Variants in SYNE1 observed in about 807,000 individuals in gnomAD.
The protein encoded by SYNE1 is nesprin-1.
SYNE1 carries 616 observed loss-of-function variants against 1,111.0 expected under a neutral mutation model. The ratio of observed to expected loss-of-function variants is 0.55; its 90% CI spans 0.52 to 0.59. The LOEUF (loss-of-function observed/expected upper bound fraction) is 0.59, where lower values mean the gene tolerates loss of function less well. Among genes scored for constraint, SYNE1 ranks in the 20% least tolerant of loss-of-function variants. SYNE1 has a pLI of 0.00. For synonymous variants in SYNE1, 3,855 were observed against 3,825.8 expected, an observed-to-expected ratio of 1.01 and a Z score of -0.28; for missense variants, 10,006 against 10,417.0, an observed-to-expected ratio of 0.96 and a Z score of 1.72.
chr6:152,534,202 GAATAAATA>G (rs140881032), intron 4 of SYNE1, among the ~76,000 whole-genome samples: 5 of 145,332 alleles, frequency 3.4e-5, no homozygotes, highest in South Asian at 2.1e-4. Flanking sequence ...ATGAATGAAT[GAATAAATA>G]AATAAATAAA....
chr6:152,579,973 A>C (rs1157905549), intron 3 of SYNE1, among the ~76,000 whole-genome samples: 2 of 152,210 alleles, frequency 1.3e-5, no homozygotes, highest in Non-Finnish European at 2.9e-5. Flanking sequence ...TGCAATGAAC[A>C]TCTGCATGAA....
At chr6:152,181,389 G>C (rs2763012) in intron 128 of SYNE1, among the ~76,000 whole-genome samples, 12,822 of 152,108 alleles carry the variant, frequency 0.084, 1,228 homozygotes, top group African/African-American at 0.24. Flanking sequence ...TCCAGCCTGG[G>C]TGACAGAGCA....
At position 152,576,547 on chromosome 6, in the gene SYNE1, T is replaced by C. The variant is rs535473717; in HGVS notation, c.68-36526A>G. ...TGTCAGAGGTAAGTAACTAAATAAT[T>C]AACTACTAGGGGATGCAGGCTACCC... On this transcript the variant is annotated intron_variant, in intron 3 of 145. Coordinates refer to ENST00000367255, the MANE Select transcript of SYNE1 (RefSeq NM_182961.4). Among the ~76,000 whole-genome samples the C allele has an allele frequency of 2.6e-5, 4 of 152,254 alleles. No homozygotes were observed. The East Asian group carries it at 7.7e-4, about 29-fold the overall frequency.
At chr6:152,514,815 C>A (rs890151378) in intron 6 of SYNE1, among the ~76,000 whole-genome samples, 1 of 152,164 alleles carries the variant, frequency 6.6e-6, no homozygotes, top group Non-Finnish European at 1.5e-5. Flanking sequence ...TAATCCTGGA[C>A]TTCTTGCCTC....
intron 140 of SYNE1, among the ~76,000 whole-genome samples, chr6:152,137,657 T>A (rs2057378817): frequency 6.6e-6 from 1 of 152,140 alleles, no homozygotes; most frequent in Non-Finnish European, 1.5e-5. Flanking sequence ...CCAGTTAGGG[T>A]GAGAGATCCT....
chr6:152,176,948 T>C (rs563322904), intron 129 of SYNE1, among the ~76,000 whole-genome samples: 32 of 152,294 alleles, frequency 2.1e-4, no homozygotes, highest in African/African-American at 7.5e-4. Context: ...AGACAAATAG[T>C]TGCTGAGAGA....
chr6:152,621,495 T>A (rs1853285), intron 3 of SYNE1, among the ~76,000 whole-genome samples: 2,585 of 151,994 alleles, frequency 0.017, 68 homozygotes, highest in African/African-American at 0.06. Flanking sequence ...TTACATGCCA[T>A]ATAAAATATA....
chr6:152,421,696 T>C (rs1365679301), intron 39 of SYNE1, among the ~76,000 whole-genome samples: 2 of 150,026 alleles, frequency 1.3e-5, no homozygotes, highest in Non-Finnish European at 3.0e-5. Context: ...TATTTATTTA[T>C]TTATTTATTT....
At chr6:152,270,035 T>A (rs2093072407) in intron 98 of SYNE1, among the ~76,000 whole-genome samples, 1 of 152,070 alleles carries the variant, frequency 6.6e-6, no homozygotes, top group Non-Finnish European at 1.5e-5. Flanking sequence ...CCACAGTAAC[T>A]CAAGTCCCAA....
rs527324767 is a variant in SYNE1, at chr6:152,166,797, G to A, written c.23628-2472C>T. ...TTTACTACAAATAGCAAAATACAGTGTGCATGTGTGCTGGGGGAGCAGAGG... is the reference window on the plus strand; with the variant it reads ...TTTACTACAAATAGCAAAATACAGTATGCATGTGTGCTGGGGGAGCAGAGG... On this transcript the variant is annotated intron_variant, in intron 130 of 145. Coordinates refer to ENST00000367255, the MANE Select transcript of SYNE1 (RefSeq NM_182961.4). 2.6e-5 allele frequency among the ~76,000 whole-genome samples: 4 copies of A among 152,326 alleles called. No homozygotes were observed. In the South Asian group the frequency reaches 8.3e-4, roughly 32 times the overall value.
intron 3 of SYNE1, among the ~76,000 whole-genome samples, chr6:152,625,781 G>GA (rs2099684491): frequency 6.6e-6 from 1 of 152,110 alleles, no homozygotes. Flanking sequence ...AAATTTGCAG[G>GA]AAAAAATTGA....
intron 130 of SYNE1, chr6:152,168,327 A>G: frequency 1.7e-6 from 1 of 599,780 alleles, no homozygotes; most frequent in East Asian, 2.8e-5. Flanking sequence ...AAATGTTGGT[A>G]GTCTCTGCCC....
chr6:152,536,314 C>T (rs771685110), intron 4 of SYNE1, among the ~76,000 whole-genome samples: 18 of 142,050 alleles, frequency 1.3e-4, no homozygotes, highest in Admixed American at 2.2e-4. Flanking sequence ...CAATGTTCTG[C>T]GCCAATATAT....
chr6:152,421,707 A>ATTTG (rs2098263695), intron 39 of SYNE1, among the ~76,000 whole-genome samples: 2 of 143,406 alleles, frequency 1.4e-5, no homozygotes, highest in African/African-American at 5.6e-5. Flanking sequence ...TTATTTATTT[A>ATTTG]TTTATTTATT....
intron 14 of SYNE1, among the ~76,000 whole-genome samples, chr6:152,474,820 T>C (rs1723609452): frequency 6.6e-6 from 1 of 151,962 alleles, no homozygotes; most frequent in Non-Finnish European, 1.5e-5. Flanking sequence ...ACAACTAGAG[T>C]TTATAACTTT....
chr6:152,195,096 T>G (rs1348519489), intron 127 of SYNE1, among the ~76,000 whole-genome samples: 1 of 152,030 alleles, frequency 6.6e-6, no homozygotes, highest in Non-Finnish European at 1.5e-5. Context: ...GATTTTTGTA[T>G]TTTTAGTAGA....
intron 93 of SYNE1, among the ~76,000 whole-genome samples, chr6:152,299,940 G>A (rs1280347679): frequency 1.3e-5 from 2 of 151,910 alleles, no homozygotes; most frequent in African/African-American, 2.4e-5. Flanking sequence ...AAAAGTCTTT[G>A]GTTACTATAA....
At chr6:152,286,000 C>A (rs2094306266) in intron 95 of SYNE1, among the ~76,000 whole-genome samples, 1 of 152,158 alleles carries the variant, frequency 6.6e-6, no homozygotes, top group Non-Finnish European at 1.5e-5. Context: ...TTCCAATGTG[C>A]CCTTATTTGC....
intron 3 of SYNE1, among the ~76,000 whole-genome samples, chr6:152,605,055 AG>A: frequency 2.4e-5 from 1 of 41,856 alleles, no homozygotes; most frequent in Admixed American, 2.8e-4. Context: ...GGAGGGAGGG[AG>A]GGAGGGAGGG....
Sources: gnomAD v4.1 joint callset for allele counts (sites outside exome capture counted in the v4.1 genomes callset) on GRCh38, gnomAD v4.1.1 for gene constraint, MANE v1.5 for transcripts, NCBI Gene and HGNC (gene_info 2026-07-23, HGNC 2026-07-21) for gene names.